Variants in SORL1 observed in about 807,000 individuals in gnomAD.
SORL1 encodes sortilin-related receptor.
Under a neutral mutation model 273.7 loss-of-function variants are expected in SORL1, and 127 were observed. That is an observed-to-expected ratio of 0.46 (90% CI 0.40 to 0.54). SORL1 has a LOEUF of 0.54. Among genes scored for constraint, SORL1 ranks in the 20% least tolerant of loss-of-function variants. The pLI is 0.00. For missense variants in SORL1, 2,494 were observed against 2,846.1 expected (o/e 0.88, Z 2.81); for synonymous variants, 1,031 against 1,067.4 (o/e 0.97, Z 0.66).
rs973250930 is a variant in SORL1, at chr11:121,474,510, G to T, written c.403-3608G>T. Among the ~76,000 whole-genome samples, 5 of 152,194 alleles carry T rather than the reference G, an allele frequency of 3.3e-5. 1 individual carries two copies. The highest frequency in any genetic ancestry group is 7.2e-5 in the African/African-American group (3 of 41,444). ...ACGTAGTTTTGAGGTACAAGGGAAA[G>T]AATTAAAAATCACTCACTTTCAAGG... is the stretch of plus-strand genomic sequence containing the variant. On this transcript the variant is annotated intron_variant, in intron 2 of 47. Coordinates refer to ENST00000260197, the MANE Select transcript of SORL1 (RefSeq NM_003105.6).
Position 121,532,568 on chromosome 11 carries a change from G to A in SORL1, c.1685+16G>A. ...ACGAGCTAAAGTAAGTGTCTCTGAT[G>A]AGGCCTTTTAACATCAAACTTTCTC... On this transcript the variant is annotated intron_variant, in intron 12 of 47. Transcript: ENST00000260197. The A allele has an allele frequency of 1.2e-6, 2 of 1,606,258 alleles. No individual in the cohort carries two copies. The highest frequency in any genetic ancestry group is 1.7e-6 in the Non-Finnish European group (2 of 1,173,062).
At chr11:121,478,354 T>TCACA in intron 3 of SORL1, 111 bp downstream of exon 3, 1 of 1,253,492 alleles carries the variant, frequency 8.0e-7, no homozygotes, top group Non-Finnish European at 1.1e-6. Flanking sequence ...CTTTGTAGCA[T>TCACA]GACTGGTGGC....
Position 121,605,258 on chromosome 11 carries a change from A to C in SORL1, c.4778+19A>C. 1.2e-6 allele frequency: 2 copies of C among 1,603,302 alleles called. No homozygotes were observed. Among genetic ancestry groups the C allele is most frequent in the Non-Finnish European group, 1.7e-6 (2 of 1,174,870 alleles). On this transcript the variant is annotated intron_variant, in intron 34 of 47. Transcript: ENST00000260197. ...ACTACAGGTAGGTCCCATCTTTGTC[A>C]TGGGAGATGAAAATGATGTCTTCAT...
Position 121,564,597 on chromosome 11 carries a change from G to A in SORL1, c.3050-2343G>A, listed in dbSNP as rs142320109. Among the ~76,000 whole-genome samples, 226 of 151,628 alleles carry A rather than the reference G, an allele frequency of 1.5e-3. 4 individuals are homozygous for A. Among genetic ancestry groups the A allele is most frequent in the East Asian group, 7.8e-4 (4 of 5,096 alleles). On this transcript the variant is annotated intron_variant, in intron 21 of 47. Transcript: ENST00000260197. Reference sequence around the variant, plus strand: ...GTTTTGTTTGTTTGTTTGTTTTTGAGACAGGCTCTGGCTCTGTTACCCAGG... The same window carrying A: ...GTTTTGTTTGTTTGTTTGTTTTTGAAACAGGCTCTGGCTCTGTTACCCAGG...
At chr11:121,543,426 G>T in intron 12 of SORL1, 122 bp from the exon 13 acceptor site, 1 of 745,400 alleles carries the variant, frequency 1.3e-6, no homozygotes, top group Non-Finnish European at 2.2e-6. Flanking sequence ...CCCTGCCTTA[G>T]CCCAGGATCA....
intron 38 of SORL1, chr11:121,610,768 T>C (rs760070759): frequency 3.8e-6 from 1 of 260,480 alleles, no homozygotes; most frequent in Non-Finnish European, 7.4e-6. Flanking sequence ...ATGATCCCTG[T>C]TCCTTTAAGA....
intron 31 of SORL1, among the ~76,000 whole-genome samples, chr11:121,592,281 T>C (rs1863227686): frequency 6.6e-6 from 1 of 152,248 alleles, no homozygotes; most frequent in African/African-American, 2.4e-5. Flanking sequence ...AAAAGAGACC[T>C]TGATATATTC....
chr11:121,596,972 T>C lies in SORL1; in HGVS notation c.4519+1200T>C, dbSNP rs1469088323. On this transcript the variant is annotated intron_variant, in intron 32 of 47. Transcript: ENST00000260197. This position sits in a 1 kb window ranked among gnomAD's most constrained non-coding sequence, Gnocchi z 4.3. ...ATCTCTTAATTCCTCTAATTCAGTA[T>C]TTACAAAATTTATGGGACTTAGCAG... 1.3e-5 allele frequency among the ~76,000 whole-genome samples: 2 copies of C among 152,186 alleles called. No homozygotes were observed. The highest frequency in any genetic ancestry group is 2.4e-5 in the African/African-American group (1 of 41,438).
At chr11:121,457,199 G>C (rs1860919922) in intron 1 of SORL1, among the ~76,000 whole-genome samples, 1 of 152,152 alleles carries the variant, frequency 6.6e-6, no homozygotes, top group South Asian at 2.1e-4. Context: ...GAAGGTGGAG[G>C]CTTTGCGAGG....
chr11:121,505,485 T>C (rs1281349461), intron 6 of SORL1, among the ~76,000 whole-genome samples: 1 of 152,036 alleles, frequency 6.6e-6, no homozygotes, highest in African/African-American at 2.4e-5. Flanking sequence ...TCTTTCATTC[T>C]GCTTGCTTTG....
At chr11:121,478,707 T>C (rs1053719882) in intron 3 of SORL1, among the ~76,000 whole-genome samples, 4 of 151,646 alleles carry the variant, frequency 2.6e-5, no homozygotes, top group African/African-American at 7.3e-5. Flanking sequence ...TACCTGTGTG[T>C]GTGTGCTTGT....
chr11:121,625,130 T>A lies in SORL1; in HGVS notation c.6217T>A (p.Tyr2073Asn), dbSNP rs1863776328. 1 of 1,613,628 alleles carries A rather than the reference T, an allele frequency of 6.2e-7. No homozygotes were observed. The highest frequency in any genetic ancestry group is 8.5e-7 in the Non-Finnish European group (1 of 1,179,572). ...TGATAGTGCCATGAATATCACAGCTTACCTTGGGAATACTACTGACAATTT... is the reference window on the plus strand; with the variant it reads ...TGATAGTGCCATGAATATCACAGCTAACCTTGGGAATACTACTGACAATTT... ...MFDSAMNITA[Y>N]LGNTTDNFFK... The change falls in exon 46 of 48, where the codon TAC becomes AAC. Residue 2073 changes from tyrosine (Y) to asparagine (N), a missense_variant. Tyr to Asn is a moderately radical substitution (Grantham distance 143). This residue lies in a region of SORL1 where 1,609 missense variants were observed against 1,816.4 expected (regional missense o/e 0.89). Coordinates refer to ENST00000260197, the MANE Select transcript of SORL1 (RefSeq NM_003105.6).
At chr11:121,578,541 G>A (rs1282895783) in intron 25 of SORL1, among the ~76,000 whole-genome samples, 1 of 152,186 alleles carries the variant, frequency 6.6e-6, no homozygotes, top group Non-Finnish European at 1.5e-5. Context: ...GCTTAGACTT[G>A]CTTCCCCACG....
At chr11:121,526,967 T>C (rs953629362) in intron 11 of SORL1, among the ~76,000 whole-genome samples, 1 of 152,006 alleles carries the variant, frequency 6.6e-6, no homozygotes, top group African/African-American at 2.4e-5. Context: ...TCCTTCTTTC[T>C]TCTCTTTCCC....
chr11:121,499,514 T>C (rs896946028), intron 6 of SORL1, among the ~76,000 whole-genome samples: 1 of 152,242 alleles, frequency 6.6e-6, no homozygotes, highest in Non-Finnish European at 1.5e-5. Flanking sequence ...CCCTGAGCCT[T>C]CTACAGGCAG....
Position 121,578,566 on chromosome 11 carries a change from C to T in SORL1, c.3580+1166C>T, listed in dbSNP as rs946125799. Among the ~76,000 whole-genome samples, 20 of 152,222 alleles carry T rather than the reference C, an allele frequency of 1.3e-4. 1 individual carries two copies. Among genetic ancestry groups the T allele is most frequent in the Admixed American group, 1.0e-3 (16 of 15,282 alleles). On this transcript the variant is annotated intron_variant, in intron 25 of 47. Transcript: ENST00000260197. ...GCTTCCCCACGGAGAGAGATGACCT[C>T]TTCTTTTACTCTTTTGTATTCTCTG...
intron 12 of SORL1, among the ~76,000 whole-genome samples, chr11:121,540,313 T>C (rs981984834): frequency 3.3e-5 from 5 of 152,030 alleles, no homozygotes; most frequent in Admixed American, 6.6e-5. Flanking sequence ...TATGTCTATA[T>C]TTTTATCTGA....
At chr11:121,594,446 C>T (rs1302450190) in intron 31 of SORL1, among the ~76,000 whole-genome samples, 1 of 150,750 alleles carries the variant, frequency 6.6e-6, no homozygotes, top group African/African-American at 2.4e-5. Context: ...CTTCCCCCAC[C>T]CCCCCAATTT....
intron 18 of SORL1, among the ~76,000 whole-genome samples, chr11:121,556,220 G>A (rs1000334843): frequency 6.6e-6 from 1 of 152,202 alleles, no homozygotes; most frequent in Non-Finnish European, 1.5e-5. Context: ...GGACACACAC[G>A]TTCTTGTTCC....
Sources: allele counts gnomAD v4.1 joint callset (sites outside exome capture counted in the v4.1 genomes callset), GRCh38; gene constraint gnomAD v4.1.1; regional missense constraint gnomAD v4.1.1; non-coding constraint Gnocchi (gnomAD v3.1); transcripts MANE v1.5; gene names NCBI Gene and HGNC (gene_info 2026-07-23, HGNC 2026-07-21).